The following CLVS2 variants were observed in gnomAD, a reference collection of about 807,000 sequenced individuals.
CLVS2 encodes the protein clavesin 2.
Under a neutral mutation model 29.0 loss-of-function variants are expected in CLVS2, and 19 were observed. That is an observed-to-expected ratio of 0.66 (90% CI 0.46 to 0.96). CLVS2 has a LOEUF of 0.96. CLVS2 is among the 40% of genes least tolerant of loss of function. The pLI, the probability that CLVS2 is intolerant of heterozygous loss-of-function variation, is 0.00. For missense variants in CLVS2, 294 were observed against 404.1 expected, an observed-to-expected ratio of 0.73 and a Z score of 2.34; for synonymous variants, 161 against 151.3, an observed-to-expected ratio of 1.06 and a Z score of -0.47.
Position 123,065,940 on chromosome 6 carries a change from A to T in CLVS2, c.*2179A>T, listed in dbSNP as rs1220757345. 6.6e-6 allele frequency: 1 copy of T among 151,784 alleles called. No homozygotes were observed. The highest frequency in any genetic ancestry group is 1.5e-5 in the Non-Finnish European group (1 of 67,772). The allele number at this position is 151,784 out of a possible 1,614,324, so 9.4% of individuals were successfully genotyped here. On this transcript the variant is annotated 3_prime_UTR_variant, in exon 6 of 6. Coordinates refer to ENST00000275162, the MANE Select transcript of CLVS2 (RefSeq NM_001010852.4). ...CATATTTTATATGTATGCCTATCTA[A>T]TTATAAGTATCATTCACACTGTCTC...
chr6:123,006,418 A>G (rs1470346179), intron 2 of CLVS2, among the ~76,000 whole-genome samples: 3 of 152,178 alleles, frequency 2.0e-5, no homozygotes, highest in Non-Finnish European at 2.9e-5. Context: ...ATGTTTTAGG[A>G]CAATTTATCT....
rs1380080312 is a variant in CLVS2 at position 123,068,854 on chromosome 6, T to G, written c.*5093T>G. The stretch of plus-strand genomic sequence containing the variant: ...AGTATACATTTCTGTTTAAAAGAAA[T>G]GTATGCTTTTATTTTGTATATTTTA... On this transcript the variant is annotated 3_prime_UTR_variant, in exon 6 of 6. Coordinates refer to ENST00000275162, the MANE Select transcript of CLVS2 (RefSeq NM_001010852.4). 2.6e-5 allele frequency: 4 copies of G among 151,704 alleles called. No individual in the cohort carries two copies. Among genetic ancestry groups the G allele is most frequent in the African/African-American group, 9.7e-5 (4 of 41,410 alleles). The allele number at this position is 151,704 out of a possible 1,614,324, so 9.4% of individuals were successfully genotyped here. A position where few individuals can be genotyped will look rare whatever the true frequency, so the allele number is the denominator to read the frequency against.
chr6:123,042,756 C>G (rs749881097), intron 3 of CLVS2, among the ~76,000 whole-genome samples: 3 of 152,134 alleles, frequency 2.0e-5, no homozygotes, highest in African/African-American at 7.2e-5. Context: ...CTGGATCTGT[C>G]TGTCCACTAG....
intron 3 of CLVS2, among the ~76,000 whole-genome samples, chr6:123,040,888 T>C (rs1775220354): frequency 6.6e-6 from 1 of 152,226 alleles, no homozygotes; most frequent in Non-Finnish European, 1.5e-5. Flanking sequence ...ATACAGTTTT[T>C]TTCAGAGTTT....
chr6:123,050,178 T>A (rs1287559490), intron 4 of CLVS2, among the ~76,000 whole-genome samples: 1 of 152,178 alleles, frequency 6.6e-6, no homozygotes, highest in African/African-American at 2.4e-5. Flanking sequence ...CACCAAGTAT[T>A]AAATTAATTC....
At chr6:123,058,804 A>G (rs542095599) in intron 5 of CLVS2, among the ~76,000 whole-genome samples, 1 of 152,164 alleles carries the variant, frequency 6.6e-6, no homozygotes, top group East Asian at 1.9e-4. Context: ...AGTGCCTGTC[A>G]CCATGACTAG....
chr6:123,041,734 A>G (rs981654226), intron 3 of CLVS2, among the ~76,000 whole-genome samples: 3 of 152,190 alleles, frequency 2.0e-5, no homozygotes, highest in East Asian at 1.9e-4. Context: ...AGAGAAATAC[A>G]TGTTGACACA....
chr6:122,998,023 C>T lies in CLVS2; in HGVS notation c.246C>T (p.Asn82=). 1.2e-6 allele frequency: 2 copies of T among 1,614,176 alleles called. No homozygotes were observed. The highest frequency in any genetic ancestry group is 1.7e-6 in the Non-Finnish European group (2 of 1,180,030). ...AGTACTTTGAGTACCGGCAGCAGAA[C>T]CTGGACATGTTCAAAAGCTTTAAGG... ...LAQYFEYRQQ[N]LDMFKSFKAT... Residue 82 remains asparagine, a synonymous_variant, in exon 2 of 6, where the codon AAC becomes AAT. Transcript: ENST00000275162.
chr6:123,045,330 G>A (rs1041387865), intron 3 of CLVS2, among the ~76,000 whole-genome samples: 2 of 152,108 alleles, frequency 1.3e-5, no homozygotes, highest in African/African-American at 4.8e-5. Context: ...GGCAGTGGAA[G>A]TTAAAGGAGG....
intron 5 of CLVS2, among the ~76,000 whole-genome samples, chr6:123,060,278 G>A (rs565366313): frequency 1.1e-4 from 16 of 152,172 alleles, no homozygotes; most frequent in Non-Finnish European, 2.1e-4. Context: ...ATAGTCATGT[G>A]TAAATATGCA....
chr6:123,059,110 A>C (rs1298602091), intron 5 of CLVS2, among the ~76,000 whole-genome samples: 2 of 151,836 alleles, frequency 1.3e-5, no homozygotes, highest in Non-Finnish European at 1.5e-5. Flanking sequence ...CAGACACATT[A>C]GTCTTCTCTT....
At chr6:123,019,082 G>C (rs1774883844) in intron 3 of CLVS2, among the ~76,000 whole-genome samples, 1 of 152,008 alleles carries the variant, frequency 6.6e-6, no homozygotes, top group Admixed American at 6.6e-5. Flanking sequence ...TTTCCCTGTA[G>C]GGTAAAAAGC....
At chr6:123,009,960 C>T (rs1366528066) in intron 2 of CLVS2, among the ~76,000 whole-genome samples, 2 of 151,980 alleles carry the variant, frequency 1.3e-5, no homozygotes, top group Admixed American at 6.6e-5. Flanking sequence ...GCTTGATATA[C>T]CTCTCTGGGT....
intron 3 of CLVS2, among the ~76,000 whole-genome samples, chr6:123,014,678 G>T (rs1420280371): frequency 6.6e-6 from 1 of 151,960 alleles, no homozygotes; most frequent in African/African-American, 2.4e-5. Context: ...CATTTTTCAG[G>T]TGCCATATTT....
intron 3 of CLVS2, among the ~76,000 whole-genome samples, chr6:123,019,046 A>G (rs1423111022): frequency 1.3e-5 from 2 of 151,996 alleles, no homozygotes; most frequent in African/African-American, 4.8e-5. Flanking sequence ...ATGGTTTCCA[A>G]GGCCACTTTG....
chr6:123,043,148 A>G (rs1775258823), intron 3 of CLVS2, among the ~76,000 whole-genome samples: 1 of 152,208 alleles, frequency 6.6e-6, no homozygotes, highest in South Asian at 2.1e-4. Flanking sequence ...AACTATTATC[A>G]TAATTCCAGA....
intron 3 of CLVS2, among the ~76,000 whole-genome samples, chr6:123,020,094 C>T (rs1335728683): frequency 6.6e-6 from 1 of 152,008 alleles, no homozygotes; most frequent in Admixed American, 6.6e-5. Context: ...TCACAGACAC[C>T]CAGAATAATG....
chr6:123,065,565 T>C lies in CLVS2; in HGVS notation c.*1804T>C, dbSNP rs1772841524. 1.3e-5 allele frequency: 2 copies of C among 151,910 alleles called. No individual in the cohort carries two copies. The highest frequency in any genetic ancestry group is 4.1e-4 in the South Asian group (2 of 4,830). 9.4% of individuals were successfully genotyped at this position (151,910 alleles called of 1,614,324 possible). The stretch of plus-strand genomic sequence containing the variant: ...ATGACTGTCAGGCACTCTGCTCTCC[T>C]TGTGACTTTTACAGAGATTGGAATG... On this transcript the variant is annotated 3_prime_UTR_variant, in exon 6 of 6. Coordinates refer to ENST00000275162, the MANE Select transcript of CLVS2 (RefSeq NM_001010852.4).
At chr6:123,042,417 CA>C (rs1161654111) in intron 3 of CLVS2, among the ~76,000 whole-genome samples, 1 of 152,124 alleles carries the variant, frequency 6.6e-6, no homozygotes, top group Non-Finnish European at 1.5e-5. Context: ...TGCATCTAAT[CA>C]AGTTCCTTTA....
Sources: gnomAD v4.1 joint callset for allele counts (sites outside exome capture counted in the v4.1 genomes callset) on GRCh38, gnomAD v4.1.1 for gene constraint, MANE v1.5 for transcripts, NCBI Gene and HGNC (gene_info 2026-07-23, HGNC 2026-07-21) for gene names.